The following C4orf51 variants were observed in gnomAD, a reference collection of about 807,000 sequenced individuals.
C4orf51 encodes uncharacterized protein C4orf51.
In C4orf51, 25 loss-of-function variants were observed where a neutral mutation model predicts 25.2. The ratio of observed to expected loss-of-function variants is 0.99; its 90% CI spans 0.72 to 1.39. C4orf51 has a LOEUF of 1.39. Among genes scored for constraint, C4orf51 ranks in the 40% most tolerant of loss-of-function variants. The pLI, the probability that C4orf51 is intolerant of heterozygous loss-of-function variation, is 0.00. For missense variants in C4orf51, 252 were observed against 239.6 expected, an observed-to-expected ratio of 1.05 and a Z score of -0.34; for synonymous variants, 100 against 84.5, an observed-to-expected ratio of 1.18 and a Z score of -1.01.
At chr4:145,700,684 A>G (rs974774090) in intron 2 of C4orf51, among the ~76,000 whole-genome samples, 2 of 152,072 alleles carry the variant, frequency 1.3e-5, no homozygotes, top group Non-Finnish European at 2.9e-5. Flanking sequence ...AGTGCAACTC[A>G]TCCCAAATCT....
At chr4:145,741,262 C>T (rs1459759631) in intron 1 of C4orf51, among the ~76,000 whole-genome samples, 2 of 152,190 alleles carry the variant, frequency 1.3e-5, no homozygotes, top group Non-Finnish European at 2.9e-5. Flanking sequence ...CTTCATTTTT[C>T]CAGTCTAGAA....
At position 145,762,095 on chromosome 4, in the gene C4orf51, G is replaced by C. The variant is rs368137590; in HGVS notation, n.167-8893G>C. The stretch of plus-strand genomic sequence containing the variant: ...TTAAAGAACAGCTTATAGGGGGAGC[G>C]CTACCTCCAGCAAACAGAAAGTCAC... On this transcript the variant is annotated intron_variant and non_coding_transcript_variant, in intron 1 of 1. Transcript: ENST00000510096. This position sits in a 1 kb window ranked among gnomAD's most constrained non-coding sequence, Gnocchi z 4.9. Among the ~76,000 whole-genome samples, 5 of 152,142 alleles carry C rather than the reference G, an allele frequency of 3.3e-5. No homozygotes were observed. Among genetic ancestry groups the C allele is most frequent in the Non-Finnish European group, 1.5e-5 (1 of 68,028 alleles).
At chr4:145,683,027 C>G (rs2126649377) in intron 1 of C4orf51, among the ~76,000 whole-genome samples, 1 of 151,628 alleles carries the variant, frequency 6.6e-6, no homozygotes, top group Non-Finnish European at 1.5e-5. Context: ...AAAAAAAATC[C>G]CGGAACTAAT....
intron 1 of C4orf51, among the ~76,000 whole-genome samples, chr4:145,750,118 T>C (rs1415104440): frequency 2.0e-5 from 3 of 152,220 alleles, no homozygotes; most frequent in Admixed American, 6.5e-5. Flanking sequence ...TTATTTTTAA[T>C]TGGTTCATCT....
downstream of C4orf51, among the ~76,000 whole-genome samples, chr4:145,755,305 T>C (rs1312744465): frequency 6.6e-6 from 1 of 152,122 alleles, no homozygotes; most frequent in East Asian, 1.9e-4. Flanking sequence ...CTCCAAGTAA[T>C]CCAAATTTTC....
downstream of C4orf51, chr4:145,759,344 C>T (rs1230180226): frequency 6.6e-6 from 1 of 152,154 alleles, no homozygotes; most frequent in African/African-American, 2.4e-5. Flanking sequence ...TACAACCAAC[C>T]CACACCTGCT....
intron 1 of C4orf51, among the ~76,000 whole-genome samples, chr4:145,742,890 G>A (rs1234734587): frequency 6.6e-6 from 1 of 152,174 alleles, no homozygotes; most frequent in Non-Finnish European, 1.5e-5. Flanking sequence ...TGGTGAGGAT[G>A]CTAAGAATCT....
the C4orf51 span, among the ~76,000 whole-genome samples, chr4:145,789,796 A>C: frequency 1.3e-5 from 2 of 152,142 alleles, no homozygotes; most frequent in Non-Finnish European, 2.9e-5. Context: ...AAATTCACCA[A>C]CCATAAAGAA....
intron 2 of C4orf51, among the ~76,000 whole-genome samples, chr4:145,701,865 A>G (rs1030432842): frequency 5.3e-5 from 8 of 151,912 alleles, no homozygotes; most frequent in African/African-American, 1.9e-4. Flanking sequence ...AGATATTTTA[A>G]CCAAATTATC....
intron 2 of C4orf51, among the ~76,000 whole-genome samples, chr4:145,720,819 C>T (rs918252746): frequency 6.6e-6 from 1 of 152,164 alleles, no homozygotes; most frequent in Non-Finnish European, 1.5e-5. Context: ...AGGCAGGCTG[C>T]TCCCTCACCT....
Position 145,680,209 on chromosome 4 carries a change from A to G in C4orf51, c.6A>G (p.Ser2=). M[S]HYFYLTPQIL... ...CAGAGAGGCCGTTCGTAGTTATGTC[A>G]CACTACTTCTACTTGACTCCACAAA... The change falls in exon 1 of 6, where the codon TCA becomes TCG. Residue 2 remains serine, a synonymous_variant. Transcript: ENST00000438731. 6.2e-7 allele frequency: 1 copy of G among 1,609,480 alleles called. No homozygotes were observed.
At chr4:145,730,963 A>G (rs1732424264) in intron 5 of C4orf51, among the ~76,000 whole-genome samples, 1 of 152,142 alleles carries the variant, frequency 6.6e-6, no homozygotes, top group Admixed American at 6.5e-5. Flanking sequence ...GGACCTGATA[A>G]TGTTCCCAGG....
At chr4:145,785,387 C>T in the C4orf51 span, among the ~76,000 whole-genome samples, 3 of 152,230 alleles carry the variant, frequency 2.0e-5, no homozygotes, top group East Asian at 3.9e-4. Context: ...TAAACCCATT[C>T]GGTAGAATTT....
chr4:145,765,874 C>T lies in C4orf51; in HGVS notation n.167-5114C>T, dbSNP rs1735212312. The T allele has an allele frequency of 2.4e-6, 2 of 829,712 alleles. No homozygotes were observed. Among genetic ancestry groups the T allele is most frequent in the Non-Finnish European group, 1.8e-6 (1 of 552,532 alleles). 51.4% of individuals were successfully genotyped at this position (829,712 alleles called of 1,614,324 possible). A position where few individuals can be genotyped will look rare whatever the true frequency, so the allele number is the denominator to read the frequency against. ...CAGGCTCATGTCCCCAGCTCCCCCACTGCTGGGGGATCCCAGGTCCTAAGG... is the reference window on the plus strand; with the variant it reads ...CAGGCTCATGTCCCCAGCTCCCCCATTGCTGGGGGATCCCAGGTCCTAAGG... On this transcript the variant is annotated intron_variant and non_coding_transcript_variant, in intron 1 of 1. Transcript: ENST00000510096. This position sits in a 1 kb window ranked among gnomAD's most constrained non-coding sequence, Gnocchi z 4.7.
chr4:145,789,633 T>C, the C4orf51 span, among the ~76,000 whole-genome samples: 180 of 152,314 alleles, frequency 1.2e-3, 2 homozygotes, highest in African/African-American at 4.1e-3. Flanking sequence ...AGTGATAGCC[T>C]TTCCCAAACC....
chr4:145,770,628 A>G (rs1425151168), intron 1 of C4orf51, among the ~76,000 whole-genome samples: 1 of 151,994 alleles, frequency 6.6e-6, no homozygotes, highest in Non-Finnish European at 1.5e-5. Context: ...AATACTTTGT[A>G]TTTTCCCATG....
chr4:145,729,004 C>T (rs1323331082), intron 3 of C4orf51, among the ~76,000 whole-genome samples, 165 bp from the exon 4 acceptor site: 1 of 151,940 alleles, frequency 6.6e-6, no homozygotes, highest in East Asian at 1.9e-4. Context: ...CTCAGCCTCC[C>T]AAGTGGCTGA....
At chr4:145,744,063 GC>G (rs1733235195) in intron 1 of C4orf51, among the ~76,000 whole-genome samples, 1 of 152,172 alleles carries the variant, frequency 6.6e-6, no homozygotes. Context: ...ACTCCTTAAA[GC>G]TGGGAAATGT....
intron 2 of C4orf51, among the ~76,000 whole-genome samples, chr4:145,708,812 A>C (rs1730976957): frequency 6.6e-6 from 1 of 152,226 alleles, no homozygotes; most frequent in Non-Finnish European, 1.5e-5. Flanking sequence ...CCATGAACTC[A>C]TAGTGACTCT....
Sources: gnomAD v4.1 joint callset for allele counts (sites outside exome capture counted in the v4.1 genomes callset) on GRCh38, gnomAD v4.1.1 for gene constraint, Gnocchi (gnomAD v3.1) non-coding constraint, MANE v1.5 for transcripts, NCBI Gene and HGNC (gene_info 2026-07-23, HGNC 2026-07-21) for gene names.